Variants in RABEP1 observed in about 807,000 individuals in gnomAD.
RABEP1 encodes the protein rab GTPase-binding effector protein 1.
RABEP1 carries 51 observed loss-of-function variants against 123.4 expected under a neutral mutation model. The observed-to-expected ratio is 0.41, with a 90% CI of 0.33 to 0.52. The LOEUF (loss-of-function observed/expected upper bound fraction) is 0.52, where lower values mean the gene tolerates loss of function less well. Among genes scored for constraint, RABEP1 ranks in the 20% least tolerant of loss-of-function variants. RABEP1 has a pLI of 0.16. For synonymous variants in RABEP1, 347 were observed against 355.2 expected, an observed-to-expected ratio of 0.98 and a Z score of 0.26; for missense variants, 888 against 996.3, an observed-to-expected ratio of 0.89 and a Z score of 1.46.
intron 1 of RABEP1, chr17:5,283,835 G>C (rs2074951960): frequency 6.6e-6 from 1 of 152,256 alleles, no homozygotes; most frequent in Admixed American, 6.6e-5. Flanking sequence ...GAGATGTCCA[G>C]TAAGCATTTA....
chr17:5,306,861 T>C (rs2075184006), intron 1 of RABEP1, among the ~76,000 whole-genome samples: 1 of 152,202 alleles, frequency 6.6e-6, no homozygotes, highest in South Asian at 2.1e-4. Context: ...TCTCATGTAA[T>C]TTATTGAATC....
intron 1 of RABEP1, among the ~76,000 whole-genome samples, chr17:5,291,770 G>T (rs2075035995): frequency 6.6e-6 from 1 of 152,114 alleles, no homozygotes; most frequent in Non-Finnish European, 1.5e-5. Context: ...AGGCCTGATG[G>T]TGTGCGCCTG....
intron 8 of RABEP1, among the ~76,000 whole-genome samples, chr17:5,357,114 G>A (rs1909091519): frequency 6.6e-6 from 1 of 152,054 alleles, no homozygotes. Context: ...CTGATCTCGT[G>A]ATCCACCCAC....
At position 5,383,569 on chromosome 17, in the gene RABEP1, G is replaced by T. The variant is rs369513792; in HGVS notation, c.*346G>T. 3.3e-6 allele frequency: 1 copy of T among 302,692 alleles called. No individual in the cohort carries two copies. The highest frequency in any genetic ancestry group is 2.1e-5 in the African/African-American group (1 of 47,580). 18.8% of individuals were successfully genotyped at this position (302,692 alleles called of 1,614,324 possible). On this transcript the variant is annotated 3_prime_UTR_variant, in exon 18 of 18. Coordinates refer to ENST00000537505, the MANE Select transcript of RABEP1 (RefSeq NM_004703.6). ...CCTACCCTAAAGCGACATCCCAGTA[G>T]TGTTTGGAATTTTCTGTTCATAGAT...
At chr17:5,374,183 C>T (rs1164005320) in intron 13 of RABEP1, among the ~76,000 whole-genome samples, 3 of 151,960 alleles carry the variant, frequency 2.0e-5, no homozygotes, top group Non-Finnish European at 1.5e-5. Context: ...TCTCCTGCCT[C>T]AGCCTCCCCA....
chr17:5,282,652 G>T (rs2074937496), intron 1 of RABEP1, 132 bp downstream of exon 1: 1 of 510,404 alleles, frequency 2.0e-6, no homozygotes, highest in African/African-American at 2.1e-5. Flanking sequence ...GGGCGGAGGC[G>T]GGGGCGCGCG....
chr17:5,341,496 CTG>C (rs1464624753), intron 5 of RABEP1, among the ~76,000 whole-genome samples: 3 of 152,104 alleles, frequency 2.0e-5, no homozygotes, highest in South Asian at 2.1e-4. Context: ...AGATATTAAA[CTG>C]TTGATTTTAC....
intron 17 of RABEP1, 65 bp downstream of exon 17, chr17:5,381,570 T>C (rs1597304106): frequency 1.3e-6 from 2 of 1,543,584 alleles, no homozygotes; most frequent in East Asian, 2.4e-5. Context: ...ACCTTGCCGA[T>C]CCCTGACTTG....
rs1264683589 is a variant in RABEP1, at chr17:5,350,434, G to C, written c.785-17G>C. The stretch of plus-strand genomic sequence containing the variant: ...AATTCAGTGTTTTTGATTTGTGGTG[G>C]GGGGGTTCCTAAACAGTTTGCCATC... On this transcript the variant is annotated splice_polypyrimidine_tract_variant and intron_variant, in intron 6 of 17. Coordinates refer to ENST00000537505, the MANE Select transcript of RABEP1 (RefSeq NM_004703.6). The C allele has an allele frequency of 1.3e-6, 2 of 1,591,268 alleles. No homozygotes were observed. The highest frequency in any genetic ancestry group is 2.7e-5 in the African/African-American group (2 of 73,246).
intron 7 of RABEP1, 124 bp from the exon 8 acceptor site, chr17:5,354,235 C>T (rs1463978601): frequency 1.3e-5 from 11 of 821,674 alleles, no homozygotes; most frequent in African/African-American, 5.2e-5. Flanking sequence ...AACAAAGAAG[C>T]GTAAGTATCC....
chr17:5,339,736 A>G (rs183783272), intron 5 of RABEP1, among the ~76,000 whole-genome samples: 1 of 151,758 alleles, frequency 6.6e-6, no homozygotes, highest in Non-Finnish European at 1.5e-5. Context: ...GGAGGTGGAG[A>G]TTGTTGCAGT....
intron 1 of RABEP1, among the ~76,000 whole-genome samples, chr17:5,289,182 C>CTTG (rs56214517): frequency 6.7e-6 from 1 of 148,736 alleles, no homozygotes; most frequent in Admixed American, 6.8e-5. Flanking sequence ...TCTTCCTCTT[C>CTTG]CTTTTCTCTT....
chr17:5,326,277 G>T (rs1009656162), intron 2 of RABEP1, among the ~76,000 whole-genome samples: 8 of 152,172 alleles, frequency 5.3e-5, no homozygotes, highest in African/African-American at 1.9e-4. Flanking sequence ...GAATACACTG[G>T]TATATTGAGA....
At chr17:5,286,103 A>G (rs2074974764) in intron 1 of RABEP1, among the ~76,000 whole-genome samples, 1 of 152,230 alleles carries the variant, frequency 6.6e-6, no homozygotes, top group African/African-American at 2.4e-5. Context: ...ATCAATTTAC[A>G]TACTTGCCAA....
At chr17:5,367,092 A>G (rs566401728) in intron 11 of RABEP1, among the ~76,000 whole-genome samples, 9 of 140,134 alleles carry the variant, frequency 6.4e-5, no homozygotes, top group Non-Finnish European at 1.4e-4. Flanking sequence ...TCCGTCTGAA[A>G]GAAAAAAAAA....
intron 2 of RABEP1, among the ~76,000 whole-genome samples, chr17:5,328,221 G>C (rs907655219): frequency 6.6e-6 from 1 of 152,162 alleles, no homozygotes; most frequent in African/African-American, 2.4e-5. Flanking sequence ...TTTGTTTCCT[G>C]AAGTTAAAAA....
At chr17:5,363,998 G>A (rs1406680374) in intron 10 of RABEP1, among the ~76,000 whole-genome samples, 2 of 152,152 alleles carry the variant, frequency 1.3e-5, no homozygotes, top group Non-Finnish European at 2.9e-5. Context: ...TATGAAGATT[G>A]TTCCCTTAGC....
At chr17:5,359,638 A>G (rs570246684) in intron 8 of RABEP1, among the ~76,000 whole-genome samples, 1 of 152,268 alleles carries the variant, frequency 6.6e-6, no homozygotes, top group South Asian at 2.1e-4. Context: ...GGAGGCATTA[A>G]CTCAAAATTT....
intron 13 of RABEP1, 132 bp from the exon 14 acceptor site, chr17:5,376,984 T>C: frequency 2.3e-6 from 2 of 880,784 alleles, no homozygotes; most frequent in Non-Finnish European, 3.5e-6. Flanking sequence ...AAGCTCTAAG[T>C]GGCTTAATGG....
Sources: allele counts gnomAD v4.1 joint callset (sites outside exome capture counted in the v4.1 genomes callset), GRCh38; gene constraint gnomAD v4.1.1; transcripts MANE v1.5; gene names NCBI Gene and HGNC (gene_info 2026-07-23, HGNC 2026-07-21).